Variants in PCSK5 observed in about 807,000 individuals in gnomAD.
PCSK5 encodes the protein proprotein convertase subtilisin/kexin type 5.
Under a neutral mutation model 233.2 loss-of-function variants are expected in PCSK5, and 129 were observed. That is an observed-to-expected ratio of 0.55 (90% CI 0.48 to 0.64). PCSK5 has a LOEUF of 0.64. Ranked by LOEUF, PCSK5 falls within the 30% of genes least tolerant of loss-of-function variation. The pLI, the probability that PCSK5 is intolerant of heterozygous loss-of-function variation, is 0.00. For missense variants in PCSK5, 2,076 were observed against 2,430.1 expected, an observed-to-expected ratio of 0.85 and a Z score of 3.06; for synonymous variants, 825 against 879.2, an observed-to-expected ratio of 0.94 and a Z score of 1.09.
intron 37 of PCSK5, among the ~76,000 whole-genome samples, chr9:76,354,429 G>A (rs879379268): frequency 6.6e-6 from 1 of 152,174 alleles, no homozygotes; most frequent in Non-Finnish European, 1.5e-5. Context: ...CAGATGAGGA[G>A]ACTGAGGCTC....
intron 2 of PCSK5, 93 bp downstream of exon 2, chr9:75,932,576 G>A: frequency 2.6e-6 from 2 of 767,756 alleles, no homozygotes; most frequent in Admixed American, 4.2e-5. Flanking sequence ...CAGCATGAAG[G>A]CTCAGATTTC....
intron 1 of PCSK5, among the ~76,000 whole-genome samples, chr9:75,915,865 G>A (rs961896411): frequency 6.6e-6 from 1 of 152,168 alleles, no homozygotes; most frequent in African/African-American, 2.4e-5. Context: ...AAGTACTTAG[G>A]AATGATGGAA....
At chr9:76,089,351 T>C (rs1026118841) in intron 7 of PCSK5, among the ~76,000 whole-genome samples, 3 of 152,110 alleles carry the variant, frequency 2.0e-5, no homozygotes, top group African/African-American at 7.2e-5. Context: ...CAAAGTTGTT[T>C]TGTTGTGTCT....
At chr9:76,137,491 T>C (rs1334649007) in intron 10 of PCSK5, among the ~76,000 whole-genome samples, 1 of 152,140 alleles carries the variant, frequency 6.6e-6, no homozygotes, top group Non-Finnish European at 1.5e-5. Flanking sequence ...CATAGTATAA[T>C]TAAAATATCT....
At position 76,359,098 on chromosome 9, in the gene PCSK5, T is replaced by C. The variant is rs1036945541; in HGVS notation, c.*176T>C. ...TGAAATACTTTGTTCTTCTTTTGAG[T>C]GGCTAAACTCAATTAACAGTTCCTG... is the stretch of plus-strand genomic sequence containing the variant. On this transcript the variant is annotated 3_prime_UTR_variant, in exon 38 of 38. Transcript: ENST00000674117. 7 of 595,710 alleles carry C rather than the reference T, an allele frequency of 1.2e-5. No homozygotes were observed. Among genetic ancestry groups the C allele is most frequent in the African/African-American group, 1.9e-5 (1 of 53,892 alleles). 36.9% of individuals were successfully genotyped at this position (595,710 alleles called of 1,614,324 possible).
At chr9:76,040,944 AAC>A (rs1265982534) in intron 5 of PCSK5, among the ~76,000 whole-genome samples, 1 of 152,176 alleles carries the variant, frequency 6.6e-6, no homozygotes, top group African/African-American at 2.4e-5. Flanking sequence ...TCACTTAACT[AAC>A]ACAGTGCAGT....
intron 21 of PCSK5, among the ~76,000 whole-genome samples, chr9:76,229,063 G>A (rs538525656): frequency 1.9e-4 from 29 of 152,148 alleles, no homozygotes; most frequent in Non-Finnish European, 3.7e-4. Flanking sequence ...AGAAAGGACC[G>A]AAGAAGACAC....
At chr9:76,210,647 G>A (rs773845968) in intron 20 of PCSK5, among the ~76,000 whole-genome samples, 3 of 152,180 alleles carry the variant, frequency 2.0e-5, no homozygotes, top group Non-Finnish European at 4.4e-5. Context: ...AGGGAGCAGC[G>A]TTGCAAGATT....
At chr9:76,340,129 TG>T (rs1404528568) in intron 35 of PCSK5, among the ~76,000 whole-genome samples, 1 of 152,150 alleles carries the variant, frequency 6.6e-6, no homozygotes, top group African/African-American at 2.4e-5. Flanking sequence ...TGCTTTATCA[TG>T]GAAATTTTAC....
chr9:76,085,066 C>A (rs1564016677), intron 7 of PCSK5, among the ~76,000 whole-genome samples: 1 of 152,164 alleles, frequency 6.6e-6, no homozygotes, highest in East Asian at 1.9e-4. Flanking sequence ...GGCAACATGG[C>A]CAGTAAGAAA....
chr9:76,103,814 T>C (rs1831866057), intron 8 of PCSK5, among the ~76,000 whole-genome samples: 1 of 152,218 alleles, frequency 6.6e-6, no homozygotes, highest in African/African-American at 2.4e-5. Flanking sequence ...TTGAGCAATC[T>C]GAGAAGTTCT....
At chr9:76,045,869 C>T (rs548731456) in intron 5 of PCSK5, among the ~76,000 whole-genome samples, 2 of 152,090 alleles carry the variant, frequency 1.3e-5, no homozygotes, top group South Asian at 2.1e-4. Flanking sequence ...AAGGGTGTGG[C>T]GGGAGTGGTA....
chr9:76,116,343 T>C (rs972627553), intron 9 of PCSK5, among the ~76,000 whole-genome samples: 6 of 152,158 alleles, frequency 3.9e-5, no homozygotes, highest in Non-Finnish European at 5.9e-5. Flanking sequence ...AAGTTTTCAT[T>C]TCTCTATTCA....
At chr9:75,922,471 G>A (rs1007712138) in intron 1 of PCSK5, among the ~76,000 whole-genome samples, 7 of 152,016 alleles carry the variant, frequency 4.6e-5, no homozygotes, top group Non-Finnish European at 7.4e-5. Context: ...TGTTACATGA[G>A]AAAAAAATGG....
intron 3 of PCSK5, among the ~76,000 whole-genome samples, chr9:75,994,440 T>TGAGATGGAG (rs1222006417): frequency 3.9e-5 from 4 of 103,866 alleles, no homozygotes; most frequent in Admixed American, 1.2e-4. Flanking sequence ...TTTTTTTTTT[T>TGAGATGGAG]TTGAGATGGA....
In PCSK5 at chr9:76,082,948, C is replaced by T. The variant is rs546093430; in HGVS notation, c.894+11050C>T. Among the ~76,000 whole-genome samples, 97 of 152,074 alleles carry T rather than the reference C, an allele frequency of 6.4e-4. 2 individuals carry two copies. In the South Asian group the frequency reaches 9.6e-3, roughly 15 times the overall value. ...TTAAGACCGGGCACGGTGGCTCATG[C>T]GTGTTATAACAGCACTCTGGGAGGC... On this transcript the variant is annotated intron_variant, in intron 7 of 37. Coordinates refer to ENST00000674117, the MANE Select transcript of PCSK5 (RefSeq NM_001372043.1).
At chr9:75,918,006 G>A (rs1183347172) in intron 1 of PCSK5, among the ~76,000 whole-genome samples, 4 of 152,090 alleles carry the variant, frequency 2.6e-5, no homozygotes, top group Admixed American at 2.6e-4. Context: ...AAATTTTACT[G>A]GTTATGAGGT....
intron 30 of PCSK5, among the ~76,000 whole-genome samples, chr9:76,318,974 A>G (rs1829111591): frequency 6.6e-6 from 1 of 152,246 alleles, no homozygotes; most frequent in Non-Finnish European, 1.5e-5. Context: ...TCTCAAACCA[A>G]TCAAATTCAC....
chr9:76,300,889 G>A (rs1051651005), intron 27 of PCSK5, among the ~76,000 whole-genome samples: 11 of 152,114 alleles, frequency 7.2e-5, no homozygotes, highest in Middle Eastern at 3.2e-3. Flanking sequence ...ATAAAGTCTC[G>A]TCTACTCCCT....
Sources: allele counts gnomAD v4.1 joint callset (sites outside exome capture counted in the v4.1 genomes callset), GRCh38; gene constraint gnomAD v4.1.1; transcripts MANE v1.5; gene names NCBI Gene and HGNC (gene_info 2026-07-23, HGNC 2026-07-21).